The following PTPRT variants were observed in gnomAD, a reference collection of about 807,000 sequenced individuals.
PTPRT encodes receptor-type tyrosine-protein phosphatase T.
Under a neutral mutation model 176.8 loss-of-function variants are expected in PTPRT, and 56 were observed. That is an observed-to-expected ratio of 0.32 (90% CI 0.26 to 0.40). The LOEUF (loss-of-function observed/expected upper bound fraction) is 0.40. Ranked by LOEUF, PTPRT falls within the 10% of genes least tolerant of loss-of-function variation. The pLI is 1.00. For missense variants in PTPRT, 1,540 were observed against 1,908.2 expected, an observed-to-expected ratio of 0.81 and a Z score of 3.60; for synonymous variants, 783 against 739.0, an observed-to-expected ratio of 1.06 and a Z score of -0.96.
intron 1 of PTPRT, among the ~76,000 whole-genome samples, chr20:43,098,547 C>CTT (rs752767685): frequency 2.8e-5 from 4 of 141,892 alleles, no homozygotes; most frequent in South Asian, 2.3e-4. Context: ...TCTTTTTTTT[C>CTT]TTTTTTTTTT....
chr20:43,072,213 A>G (rs979553365), intron 1 of PTPRT, among the ~76,000 whole-genome samples: 4 of 152,220 alleles, frequency 2.6e-5, no homozygotes, highest in African/African-American at 9.6e-5. Context: ...CCTGCAACAA[A>G]TTAATATAAT....
chr20:43,150,949 C>A (rs1163065428), intron 1 of PTPRT, among the ~76,000 whole-genome samples: 1 of 152,174 alleles, frequency 6.6e-6, no homozygotes, highest in Non-Finnish European at 1.5e-5. Flanking sequence ...CTGAGATGTC[C>A]TGAAGACTCC....
chr20:42,660,212 CT>C (rs1228529588), intron 7 of PTPRT, among the ~76,000 whole-genome samples: 1 of 152,128 alleles, frequency 6.6e-6, no homozygotes, highest in East Asian at 1.9e-4. Flanking sequence ...AACAGGGTGT[CT>C]GCTCCACCAT....
intron 7 of PTPRT, among the ~76,000 whole-genome samples, chr20:42,625,171 G>A (rs1467766410): frequency 6.6e-6 from 1 of 152,086 alleles, no homozygotes; most frequent in Non-Finnish European, 1.5e-5. Context: ...AAGGAGTTGG[G>A]TTCTGGAGCT....
At position 42,897,532 on chromosome 20, in the gene PTPRT, G is replaced by C. The variant is rs187292259; in HGVS notation, c.89-11600C>G. Among the ~76,000 whole-genome samples, 363 of 152,284 alleles carry C rather than the reference G, an allele frequency of 2.4e-3. 1 individual carries two copies. The highest frequency in any genetic ancestry group is 3.4e-3 in the Middle Eastern group (1 of 294). ...GGGTAACAGAAACGGCGGTGCCCTAGAACCAAATCTGATGCCTTCATGCCC... is the reference window on the plus strand; with the variant it reads ...GGGTAACAGAAACGGCGGTGCCCTACAACCAAATCTGATGCCTTCATGCCC... On this transcript the variant is annotated intron_variant, in intron 1 of 30. Coordinates refer to ENST00000373187, the MANE Select transcript of PTPRT (RefSeq NM_007050.6).
intron 15 of PTPRT, among the ~76,000 whole-genome samples, chr20:42,200,312 A>G (rs1991397946): frequency 6.6e-6 from 1 of 152,246 alleles, no homozygotes; most frequent in Admixed American, 6.5e-5. Flanking sequence ...AGATGACAGG[A>G]CCAACCTTAT....
At chr20:42,399,585 C>A (rs1466328508) in intron 9 of PTPRT, among the ~76,000 whole-genome samples, 1 of 152,176 alleles carries the variant, frequency 6.6e-6, no homozygotes, top group African/African-American at 2.4e-5. Flanking sequence ...ACTAATAACT[C>A]TTTTGGTAAA....
intron 17 of PTPRT, among the ~76,000 whole-genome samples, chr20:42,153,505 G>T (rs888951613): frequency 6.6e-6 from 1 of 152,082 alleles, no homozygotes. Flanking sequence ...GGGAGATCCT[G>T]TATTAAATAC....
chr20:43,070,836 G>T (rs189411026), intron 1 of PTPRT, among the ~76,000 whole-genome samples: 1 of 151,422 alleles, frequency 6.6e-6, no homozygotes, highest in Non-Finnish European at 1.5e-5. Context: ...GGGGTGGGGG[G>T]AAGGAAAGCA....
At chr20:42,475,934 T>G (rs898363046) in intron 7 of PTPRT, among the ~76,000 whole-genome samples, 3 of 152,172 alleles carry the variant, frequency 2.0e-5, no homozygotes, top group African/African-American at 7.2e-5. Context: ...CTTGAGCATG[T>G]GTGACTGTCA....
chr20:42,104,843 T>G, intron 24 of PTPRT, 125 bp from the exon 25 acceptor site: 24 of 997,064 alleles, frequency 2.4e-5, no homozygotes, highest in Non-Finnish European at 3.1e-5. Context: ...ACAGGATCCT[T>G]ACTTTTTATA....
chr20:42,935,701 C>T (rs913131107), intron 1 of PTPRT, among the ~76,000 whole-genome samples: 2 of 152,158 alleles, frequency 1.3e-5, no homozygotes, highest in African/African-American at 2.4e-5. Flanking sequence ...CATTTCTCGT[C>T]TAGTCCGGTC....
At chr20:43,054,801 G>T (rs1260081403) in intron 1 of PTPRT, among the ~76,000 whole-genome samples, 2 of 152,016 alleles carry the variant, frequency 1.3e-5, no homozygotes, top group Non-Finnish European at 2.9e-5. Context: ...GTGGGGGTGG[G>T]GGGAGCAGCA....
intron 1 of PTPRT, among the ~76,000 whole-genome samples, chr20:43,096,265 T>C (rs2012164812): frequency 6.6e-6 from 1 of 152,006 alleles, no homozygotes; most frequent in African/African-American, 2.4e-5. Flanking sequence ...TTTGGCTCTT[T>C]AGATTGAAAA....
At chr20:42,791,561 G>A in intron 2 of PTPRT, 95 bp from the exon 3 acceptor site, 1 of 1,351,052 alleles carries the variant, frequency 7.4e-7, no homozygotes, top group Non-Finnish European at 1.0e-6. Context: ...GGTGGCCAGA[G>A]GAGTGGCCAG....
At chr20:43,058,218 A>C (rs894050934) in intron 1 of PTPRT, among the ~76,000 whole-genome samples, 2 of 152,084 alleles carry the variant, frequency 1.3e-5, no homozygotes, top group Non-Finnish European at 2.9e-5. Flanking sequence ...AAAAAGTAAG[A>C]GGGGAGGAAA....
intron 7 of PTPRT, among the ~76,000 whole-genome samples, chr20:42,498,553 T>A (rs943110579): frequency 2.0e-5 from 3 of 152,140 alleles, no homozygotes; most frequent in African/African-American, 7.2e-5. Flanking sequence ...TGAAAAGCTA[T>A]CTCTTGCGGG....
At position 43,007,916 on chromosome 20, in the gene PTPRT, T is replaced by C. The variant is rs75595807; in HGVS notation, c.89-121984A>G. On this transcript the variant is annotated intron_variant, in intron 1 of 30. Transcript: ENST00000373187. The stretch of plus-strand genomic sequence containing the variant: ...CTTAACTGTAAAATGGGTGAAGCAA[T>C]AGAACCCTCTATGAGTGTGAAATAA... Among the ~76,000 whole-genome samples the C allele has an allele frequency of 8.5e-3, 1,291 of 152,244 alleles. 18 individuals carry two copies. Among genetic ancestry groups the C allele is most frequent in the African/African-American group, 0.029 (1,220 of 41,538 alleles).
intron 8 of PTPRT, among the ~76,000 whole-genome samples, chr20:42,469,912 G>C (rs1036364428): frequency 2.0e-5 from 3 of 152,126 alleles, no homozygotes; most frequent in African/African-American, 7.2e-5. Context: ...TTGCAGCTGA[G>C]AATGTGAATC....
Sources: gnomAD v4.1 joint callset for allele counts (sites outside exome capture counted in the v4.1 genomes callset) on GRCh38, gnomAD v4.1.1 for gene constraint, MANE v1.5 for transcripts, NCBI Gene and HGNC (gene_info 2026-07-23, HGNC 2026-07-21) for gene names.